Variants in RAB3GAP2 observed in about 807,000 individuals in gnomAD.
RAB3GAP2 encodes RAB3 GTPase activating non-catalytic protein subunit 2, also known as rab3 GTPase-activating protein non-catalytic subunit.
In RAB3GAP2, 87 loss-of-function variants were observed where a neutral mutation model predicts 185.3. The observed-to-expected ratio is 0.47, with a 90% CI of 0.39 to 0.56. RAB3GAP2 has a LOEUF of 0.56. Ranked by LOEUF, RAB3GAP2 falls within the 20% of genes least tolerant of loss-of-function variation. RAB3GAP2 has a pLI of 0.00. For missense variants in RAB3GAP2, 1,492 were observed against 1,638.2 expected (o/e 0.91, Z 1.54); for synonymous variants, 554 against 576.1 (o/e 0.96, Z 0.55).
At chr1:220,153,519 G>C (rs1657800981) in intron 32 of RAB3GAP2, 113 bp from the exon 33 acceptor site, 1 of 960,868 alleles carries the variant, frequency 1.0e-6, no homozygotes, top group Admixed American at 2.0e-5. Context: ...CCATTAAATT[G>C]TTTAGTTATC....
At position 220,210,458 on chromosome 1, in the gene RAB3GAP2, T is replaced by A; in HGVS notation, c.542A>T (p.Asn181Ile). Residue 181 changes from asparagine (N) to isoleucine (I), a missense_variant, in exon 7 of 35, where the codon AAT (asparagine) becomes ATT (isoleucine). Around this residue, in one of 5 missense-constraint regions of RAB3GAP2, gnomAD observed 243 missense variants for 314.8 expected, o/e 0.77. Coordinates refer to ENST00000358951, the MANE Select transcript of RAB3GAP2 (RefSeq NM_012414.4). ...TTTAAGTTGAAGTACTGGGTCCTCA[T>A]TCAAAAGCTGTGCAAGCAAGAGCAC... ...NGVLLLAQLL[N>I]EDPVLQLKCR... 6.2e-7 allele frequency: 1 copy of A among 1,614,098 alleles called. No homozygotes were observed.
chr1:220,191,373 TG>T, intron 13 of RAB3GAP2, 89 bp from the exon 14 acceptor site: 1 of 44,360 alleles, frequency 2.3e-5, no homozygotes, highest in Admixed American at 4.0e-4. Context: ...GGGGTGGGGG[TG>T]GGGGTGGGGT....
intron 1 of RAB3GAP2, among the ~76,000 whole-genome samples, chr1:220,245,090 C>A (rs1659774842): frequency 6.6e-6 from 1 of 151,978 alleles, no homozygotes; most frequent in African/African-American, 2.4e-5. Flanking sequence ...GGACTAGCAT[C>A]CAGAATCTAC....
At chr1:220,259,521 G>A (rs1234320757) in intron 1 of RAB3GAP2, among the ~76,000 whole-genome samples, 1 of 152,022 alleles carries the variant, frequency 6.6e-6, no homozygotes, top group African/African-American at 2.4e-5. Context: ...TTTAATAAAT[G>A]GGACTACTGC....
At chr1:220,213,704 G>T in intron 3 of RAB3GAP2, 152 bp downstream of exon 3, 1 of 666,502 alleles carries the variant, frequency 1.5e-6, no homozygotes. Flanking sequence ...AAATGGAGAG[G>T]GAGGGAGGGA....
At chr1:220,262,280 G>T (rs146866883) in intron 1 of RAB3GAP2, among the ~76,000 whole-genome samples, 6 of 151,932 alleles carry the variant, frequency 3.9e-5, no homozygotes, top group Admixed American at 2.6e-4. Flanking sequence ...CAGCCTGGGC[G>T]ACAGAGCAAG....
intron 26 of RAB3GAP2, 50 bp from the exon 27 acceptor site, chr1:220,164,849 T>C (rs1658035849): frequency 6.5e-7 from 1 of 1,543,738 alleles, no homozygotes; most frequent in Non-Finnish European, 8.8e-7. Context: ...TATCATTTAA[T>C]AGGTTTTACC....
chr1:220,164,670 C>G, intron 27 of RAB3GAP2, 63 bp downstream of exon 27: 1 of 1,556,624 alleles, frequency 6.4e-7, no homozygotes, highest in Non-Finnish European at 8.7e-7. Flanking sequence ...AAATTCACAT[C>G]CTGTTAAATC....
chr1:220,167,815 G>C, intron 24 of RAB3GAP2, 140 bp from the exon 25 acceptor site: 4 of 912,852 alleles, frequency 4.4e-6, no homozygotes, highest in Non-Finnish European at 7.0e-6. Flanking sequence ...AAAGCCATGA[G>C]ATTTACAGCA....
chr1:220,200,441 A>G, intron 9 of RAB3GAP2: 1 of 391,498 alleles, frequency 2.6e-6, no homozygotes, highest in Non-Finnish European at 5.3e-6. Flanking sequence ...CCTATCTTGT[A>G]TTTCTAGCAC....
chr1:220,168,560 G>A (rs562733603), intron 24 of RAB3GAP2, among the ~76,000 whole-genome samples: 3 of 151,954 alleles, frequency 2.0e-5, no homozygotes, highest in Admixed American at 2.0e-4. Context: ...ACCATGCCCG[G>A]CTAAATTTTT....
At chr1:220,189,900 C>G in intron 16 of RAB3GAP2, 133 bp from the exon 17 acceptor site, 2 of 1,066,378 alleles carry the variant, frequency 1.9e-6, no homozygotes, top group Non-Finnish European at 2.7e-6. Context: ...TTAATGTTTT[C>G]TTGTTATGAA....
intron 17 of RAB3GAP2, among the ~76,000 whole-genome samples, chr1:220,187,231 G>C (rs1295999451): frequency 1.3e-5 from 2 of 152,102 alleles, no homozygotes; most frequent in Admixed American, 6.6e-5. Context: ...TGAACAATGG[G>C]GGTGCTAGGA....
intron 27 of RAB3GAP2, 68 bp downstream of exon 27, chr1:220,164,665 C>G: frequency 6.5e-7 from 1 of 1,547,928 alleles, no homozygotes; most frequent in Non-Finnish European, 8.7e-7. Flanking sequence ...TCTTTAAATT[C>G]ACATCCTGTT....
intron 14 of RAB3GAP2, 116 bp from the exon 15 acceptor site, chr1:220,190,636 G>A (rs1241361397): frequency 2.8e-6 from 3 of 1,069,756 alleles, no homozygotes; most frequent in Non-Finnish European, 2.8e-6. Context: ...GCATTAATAA[G>A]GCAACTAAAT....
Position 220,272,399 on chromosome 1 carries a change from C to CA in RAB3GAP2, c.-63dup. On this transcript the variant is annotated 5_prime_UTR_variant, in exon 1 of 35. Coordinates refer to ENST00000358951, the MANE Select transcript of RAB3GAP2 (RefSeq NM_012414.4). ...TCACCACGCCCTGCCCCCTCCACCC[C>CA]ACTGCGGCCGCCACCGAGCCCCAAT... The CA allele has an allele frequency of 2.4e-6, 3 of 1,238,296 alleles. No homozygotes were observed. Among genetic ancestry groups the CA allele is most frequent in the Non-Finnish European group, 3.5e-6 (3 of 859,616 alleles). The allele number at this position is 1,238,296 out of a possible 1,614,324, so 76.7% of individuals were successfully genotyped here. A position where few individuals can be genotyped will look rare whatever the true frequency, so the allele number is the denominator to read the frequency against.
rs549063442 is a variant in RAB3GAP2, at chr1:220,263,861, C to G, written c.115+8362G>C. On this transcript the variant is annotated intron_variant, in intron 1 of 34. Coordinates refer to ENST00000358951, the MANE Select transcript of RAB3GAP2 (RefSeq NM_012414.4). Reference sequence around the variant, plus strand: ...ATCACTGAGTCTTACAGGAGAATGACCTTCAAATTTTTTGTTCATATATGC... The same window carrying G: ...ATCACTGAGTCTTACAGGAGAATGAGCTTCAAATTTTTTGTTCATATATGC... Among the ~76,000 whole-genome samples, 4 of 152,024 alleles carry G rather than the reference C, an allele frequency of 2.6e-5. No homozygotes were observed. The South Asian group carries it at 6.2e-4, about 24-fold the overall frequency.
intron 1 of RAB3GAP2, chr1:220,268,024 T>A: frequency 2.0e-6 from 1 of 510,486 alleles, no homozygotes; most frequent in Non-Finnish European, 3.5e-6. Flanking sequence ...AGGTGTTTTA[T>A]GTTTTTACAT....
At chr1:220,191,590 G>A (rs1209110022) in intron 13 of RAB3GAP2, among the ~76,000 whole-genome samples, 2 of 151,992 alleles carry the variant, frequency 1.3e-5, no homozygotes, top group African/African-American at 2.4e-5. Flanking sequence ...AAGCTGAGGC[G>A]GGTGGATCAC....
Sources: gnomAD v4.1 joint callset for allele counts (sites outside exome capture counted in the v4.1 genomes callset) on GRCh38, gnomAD v4.1.1 for gene constraint, gnomAD v4.1.1 regional missense constraint, MANE v1.5 for transcripts, NCBI Gene and HGNC (gene_info 2026-07-23, HGNC 2026-07-21) for gene names.